Variants in MARS1 observed in about 807,000 individuals in gnomAD.
MARS1 encodes methionine--tRNA ligase, cytoplasmic.
A neutral mutation model predicts 119.5 loss-of-function variants in MARS1; 80 were observed. The observed-to-expected ratio is 0.67, with a 90% confidence interval of 0.56 to 0.81. The LOEUF is 0.81. MARS1 is among the 30% of genes least tolerant of loss of function. The pLI is 0.00. For synonymous variants in MARS1, 418 were observed against 433.4 expected, an observed-to-expected ratio of 0.96 and a Z score of 0.44; for missense variants, 945 against 1,116.5, an observed-to-expected ratio of 0.85 and a Z score of 2.19.
At chr12:57,509,697 A>G (rs1270527548) in intron 11 of MARS1, among the ~76,000 whole-genome samples, 1 of 152,174 alleles carries the variant, frequency 6.6e-6, no homozygotes, top group African/African-American at 2.4e-5. Flanking sequence ...GGCGTGAGCC[A>G]TCGTGCCTGG....
At chr12:57,507,522 C>T (rs1207371231) in intron 11 of MARS1, among the ~76,000 whole-genome samples, 1 of 104,366 alleles carries the variant, frequency 9.6e-6, no homozygotes, top group African/African-American at 3.6e-5. Context: ...GGCGGCTGGC[C>T]GGGCAGAGGG....
chr12:57,492,147 C>T (rs960022224), intron 7 of MARS1, among the ~76,000 whole-genome samples: 7 of 151,058 alleles, frequency 4.6e-5, no homozygotes, highest in South Asian at 2.1e-4. Context: ...GGCATTGTGG[C>T]GGGCACTTGT....
At chr12:57,496,639 C>T (rs560622828) in intron 7 of MARS1, among the ~76,000 whole-genome samples, 42 of 151,828 alleles carry the variant, frequency 2.8e-4, no homozygotes, top group Non-Finnish European at 1.2e-4. Flanking sequence ...TATCCAGGCA[C>T]GGTGATGCCT....
intron 10 of MARS1, among the ~76,000 whole-genome samples, chr12:57,502,741 A>C (rs1315131461): frequency 2.0e-5 from 3 of 149,804 alleles, no homozygotes; most frequent in Non-Finnish European, 3.0e-5. Context: ...AACAAAAAAA[A>C]AACAAGCCAG....
chr12:57,492,296 C>T (rs1197865712), intron 7 of MARS1, among the ~76,000 whole-genome samples: 2 of 148,802 alleles, frequency 1.3e-5, no homozygotes, highest in African/African-American at 2.5e-5. Flanking sequence ...AAAAAAAAGT[C>T]CAATGAAGGA....
chr12:57,506,338 G>C (rs578067591), intron 11 of MARS1, among the ~76,000 whole-genome samples: 2 of 152,204 alleles, frequency 1.3e-5, no homozygotes, highest in East Asian at 3.9e-4. Flanking sequence ...TAAGGTAGGA[G>C]GGTTGCTTTG....
chr12:57,490,114 A>G, intron 5 of MARS1, 93 bp from the exon 6 acceptor site: 2 of 1,488,888 alleles, frequency 1.3e-6, no homozygotes, highest in Non-Finnish European at 1.9e-6. Flanking sequence ...TGGGGAAAGC[A>G]ACTGGAGAAA....
At chr12:57,489,673 TG>T in intron 4 of MARS1, 115 bp downstream of exon 4, 1 of 1,430,916 alleles carries the variant, frequency 7.0e-7, no homozygotes, top group Non-Finnish European at 9.6e-7. Context: ...AGTGTAATCT[TG>T]GCAAATCACT....
chr12:57,504,695 ATTTT>A (rs34351056), intron 11 of MARS1, among the ~76,000 whole-genome samples: 1 of 83,602 alleles, frequency 1.2e-5, no homozygotes, highest in African/African-American at 5.2e-5. Flanking sequence ...TGCCTGACTG[ATTTT>A]TTTTTTTTTT....
chr12:57,490,780 CTTTTTTTTTTTTTT>C, intron 7 of MARS1, 136 bp downstream of exon 7: 4 of 255,044 alleles, frequency 1.6e-5, no homozygotes, highest in South Asian at 8.7e-5. Context: ...TCTTACATCT[CTTTTTTTTTTTTTT>C]TTTTTTTTTA....
chr12:57,515,060 T>A lies in MARS1; in HGVS notation c.2204+2T>A. On this transcript the variant is annotated splice_donor_variant, in intron 17 of 20. Coordinates refer to ENST00000262027, the MANE Select transcript of MARS1 (RefSeq NM_004990.4). LOFTEE classifies it high-confidence loss of function. ...GATTAAAGGCAGTGAGGCTGACAGG[T>A]AGGTAAGCGGGGAGGGTTGGCTAAA... is the stretch of plus-strand genomic sequence containing the variant. 6.2e-7 allele frequency: 1 copy of A among 1,614,052 alleles called. No individual in the cohort carries two copies. Among genetic ancestry groups the A allele is most frequent in the East Asian group, 2.2e-5 (1 of 44,882 alleles).
At chr12:57,495,841 AAT>A (rs1163067660) in intron 7 of MARS1, among the ~76,000 whole-genome samples, 4 of 152,144 alleles carry the variant, frequency 2.6e-5, no homozygotes, top group African/African-American at 9.7e-5. Context: ...TCCACCAAAA[AAT>A]ACAAAAACCA....
At chr12:57,488,689 G>T (rs1875668197) in intron 1 of MARS1, 37 of 1,529,288 alleles carry the variant, frequency 2.4e-5, no homozygotes, top group Non-Finnish European at 8.9e-7. Flanking sequence ...TTTTAATTTT[G>T]TTCTCCCACT....
intron 11 of MARS1, among the ~76,000 whole-genome samples, chr12:57,507,420 A>T (rs1314858052): frequency 2.6e-5 from 2 of 75,604 alleles, no homozygotes; most frequent in African/African-American, 9.1e-5. Flanking sequence ...ACTTCCCAGT[A>T]GGGGTGGCCG....
At position 57,490,286 on chromosome 12, in the gene MARS1, G is replaced by C; in HGVS notation, c.570G>C (p.Leu190=). 2 of 1,613,386 alleles carry C rather than the reference G, an allele frequency of 1.2e-6. No homozygotes were observed. The highest frequency in any genetic ancestry group is 4.5e-5 in the East Asian group (2 of 44,890). Residue 190 remains leucine, a synonymous_variant, in exon 6 of 21, where the codon CTG becomes CTC. Coordinates refer to ENST00000262027, the MANE Select transcript of MARS1 (RefSeq NM_004990.4). ...GTCAGCGAGCTGCAGAGACTGTACT[G>C]AAACAGCAAGGTGTCCTGGCTCTCC... ...EPCQRAAETV[L]KQQGVLALRP...
chr12:57,516,302 C>G lies in MARS1; in HGVS notation c.2521C>G (p.Gln841Glu), dbSNP rs368995987. ...GACTGTTACAACAGCCAAGCCACAG[C>G]AGATACAAGCGCTGATGGATGAAGT... is the stretch of plus-strand genomic sequence containing the variant. ...VETVTTAKPQ[Q>E]IQALMDEVTK... is the part of the protein sequence containing the mutation. Residue 841 changes from glutamine (Q) to glutamate (E), a missense_variant, in exon 20 of 21, where the codon CAG (glutamine) becomes GAG (glutamate). Physicochemically the swap from Gln to Glu is conservative, Grantham distance 29 (BLOSUM62 2). Coordinates refer to ENST00000262027, the MANE Select transcript of MARS1 (RefSeq NM_004990.4). 49 of 1,614,066 alleles carry G rather than the reference C, an allele frequency of 3.0e-5. No homozygotes were observed. The highest frequency in any genetic ancestry group is 4.1e-5 in the Non-Finnish European group (48 of 1,180,032).
At chr12:57,505,366 TG>T (rs556244157) in intron 11 of MARS1, among the ~76,000 whole-genome samples, 4 of 152,060 alleles carry the variant, frequency 2.6e-5, no homozygotes, top group Non-Finnish European at 4.4e-5. Flanking sequence ...TTCACCATGT[TG>T]GCCAGGCTGG....
At chr12:57,508,050 A>T (rs183202576) in intron 11 of MARS1, among the ~76,000 whole-genome samples, 4,837 of 151,520 alleles carry the variant, frequency 0.032, 101 homozygotes, top group Middle Eastern at 0.058. Context: ...CGCTCCCCAC[A>T]TCTCAGACGA....
rs371015920 is a variant in MARS1, at chr12:57,490,691, A to C, written c.770+47A>C. ...GAGTGGGGCTTGATTTTGTAGTGGA[A>C]ATTGTTGATAGAGCCAGAACCTGCC... On this transcript the variant is annotated intron_variant, in intron 7 of 20. Transcript: ENST00000262027. 9.7e-5 allele frequency: 151 copies of C among 1,552,132 alleles called. 1 individual carries two copies. In the African/African-American group the frequency reaches 1.6e-3, roughly 17 times the overall value.
Sources: gnomAD v4.1 joint callset for allele counts (sites outside exome capture counted in the v4.1 genomes callset) on GRCh38, gnomAD v4.1.1 for gene constraint, MANE v1.5 for transcripts, NCBI Gene and HGNC (gene_info 2026-07-23, HGNC 2026-07-21) for gene names.